The following CCSER1 variants were observed in gnomAD, a reference collection of about 807,000 sequenced individuals.
The protein encoded by CCSER1 is serine-rich coiled-coil domain-containing protein 1.
Under a neutral mutation model 82.0 loss-of-function variants are expected in CCSER1, and 41 were observed. That is an observed-to-expected ratio of 0.50 (90% CI 0.39 to 0.65). The LOEUF is 0.65. CCSER1 is among the 30% of genes least tolerant of loss of function. The probability of loss-of-function intolerance (pLI) is 0.00; values close to 1 mark genes in which losing one functional copy is unlikely to be tolerated. For missense variants in CCSER1, 1,119 were observed against 1,064.2 expected, an observed-to-expected ratio of 1.05 and a Z score of -0.72; for synonymous variants, 414 against 383.9, an observed-to-expected ratio of 1.08 and a Z score of -0.92.
At chr4:91,315,762 G>A (rs1745788406) in intron 10 of CCSER1, among the ~76,000 whole-genome samples, 1 of 151,958 alleles carries the variant, frequency 6.6e-6, no homozygotes, top group Admixed American at 6.6e-5. Context: ...CTACAGCATA[G>A]CAGTTAAGAC....
chr4:90,128,505 G>A (rs1253864897), intron 1 of CCSER1, among the ~76,000 whole-genome samples: 4 of 151,544 alleles, frequency 2.6e-5, no homozygotes, highest in African/African-American at 9.7e-5. Context: ...GTGTGTGTGT[G>A]TGTGTGTGTG....
chr4:91,583,086 TCTCA>T (rs561532519), intron 10 of CCSER1, among the ~76,000 whole-genome samples: 97 of 151,486 alleles, frequency 6.4e-4, no homozygotes, highest in African/African-American at 2.0e-3. Context: ...CTGATAAATT[TCTCA>T]CTTTTATTGA....
intron 10 of CCSER1, among the ~76,000 whole-genome samples, chr4:91,103,347 G>T (rs559360360): frequency 1.3e-5 from 2 of 152,190 alleles, no homozygotes; most frequent in South Asian, 4.1e-4. Flanking sequence ...GGGCCCCTCA[G>T]TTCCTTCCCA....
At chr4:91,544,598 G>A (rs1761783451) in intron 10 of CCSER1, among the ~76,000 whole-genome samples, 1 of 152,164 alleles carries the variant, frequency 6.6e-6, no homozygotes, top group South Asian at 2.1e-4. Context: ...GTTTGCCTGG[G>A]CATCACCAGT....
intron 5 of CCSER1, among the ~76,000 whole-genome samples, chr4:90,550,450 T>G (rs1200910962): frequency 2.6e-5 from 4 of 152,218 alleles, no homozygotes; most frequent in African/African-American, 9.6e-5. Flanking sequence ...TAGCCAAATA[T>G]TTCAAGACAA....
chr4:90,356,438 T>A (rs1291487203), intron 3 of CCSER1, among the ~76,000 whole-genome samples: 3 of 151,664 alleles, frequency 2.0e-5, no homozygotes, highest in African/African-American at 7.2e-5. Flanking sequence ...ATGTAAAAAA[T>A]TAAACTCTAT....
At chr4:90,478,786 G>A (rs1047050404) in intron 5 of CCSER1, among the ~76,000 whole-genome samples, 2 of 148,518 alleles carry the variant, frequency 1.3e-5, no homozygotes, top group Non-Finnish European at 3.0e-5. Context: ...TGTTGCCCAG[G>A]CTGGAGTTCA....
At chr4:91,192,851 C>T (rs771015008) in intron 10 of CCSER1, among the ~76,000 whole-genome samples, 4 of 151,984 alleles carry the variant, frequency 2.6e-5, no homozygotes, top group Non-Finnish European at 5.9e-5. Flanking sequence ...AGTGTCTCTG[C>T]TATATTGGTA....
At chr4:90,417,826 A>T (rs1452577565) in intron 4 of CCSER1, among the ~76,000 whole-genome samples, 1 of 152,124 alleles carries the variant, frequency 6.6e-6, no homozygotes, top group Non-Finnish European at 1.5e-5. Flanking sequence ...CAGAGATGAA[A>T]CCCTAGTGGT....
At chr4:90,883,406 A>G (rs1721635564) in intron 8 of CCSER1, among the ~76,000 whole-genome samples, 1 of 152,068 alleles carries the variant, frequency 6.6e-6, no homozygotes, top group Admixed American at 6.5e-5. Context: ...ATTTATATTG[A>G]CACTACAGTG....
At chr4:91,586,738 TTA>T (rs1024830760) in intron 10 of CCSER1, among the ~76,000 whole-genome samples, 4 of 151,706 alleles carry the variant, frequency 2.6e-5, no homozygotes, top group Non-Finnish European at 5.9e-5. Context: ...TGCTTAGAAA[TTA>T]TGTTGTACCA....
intron 5 of CCSER1, among the ~76,000 whole-genome samples, chr4:90,485,192 T>G (rs1002829685): frequency 3.9e-5 from 6 of 152,190 alleles, no homozygotes; most frequent in African/African-American, 1.4e-4. Context: ...GGATATAATC[T>G]CCTGGTGTGC....
chr4:90,403,677 A>G (rs929723041), intron 4 of CCSER1, among the ~76,000 whole-genome samples: 1 of 152,176 alleles, frequency 6.6e-6, no homozygotes, highest in Admixed American at 6.5e-5. Context: ...TCCACTGCTT[A>G]TATTACTGAA....
chr4:91,092,944 A>G (rs1332327668), intron 10 of CCSER1, among the ~76,000 whole-genome samples: 1 of 152,150 alleles, frequency 6.6e-6, no homozygotes. Flanking sequence ...TGGGGTTTCC[A>G]TACTGCCTCT....
intron 1 of CCSER1, among the ~76,000 whole-genome samples, chr4:90,205,591 C>A (rs141566024): frequency 0.016 from 2,413 of 152,200 alleles, 35 homozygotes; most frequent in African/African-American, 0.041. Context: ...CTGCTGGATT[C>A]AGTTTGCCAA....
chr4:90,960,999 G>A (rs879525259), intron 9 of CCSER1, among the ~76,000 whole-genome samples: 6 of 152,108 alleles, frequency 3.9e-5, no homozygotes, highest in Admixed American at 3.9e-4. Context: ...TATGCAACCT[G>A]TCTCCCTAAT....
intron 3 of CCSER1, among the ~76,000 whole-genome samples, chr4:90,386,116 CA>C (rs1409358348): frequency 6.6e-6 from 1 of 152,096 alleles, no homozygotes; most frequent in Non-Finnish European, 1.5e-5. Context: ...CAATTTCTAT[CA>C]AAATACCACC....
chr4:91,253,987 C>G (rs1386484378), intron 10 of CCSER1, among the ~76,000 whole-genome samples: 1 of 152,176 alleles, frequency 6.6e-6, no homozygotes, highest in Non-Finnish European at 1.5e-5. Context: ...TCACCTCCCA[C>G]CAGGCCCCAC....
At chr4:90,898,269 CTTTTTTTTTTTTT>C (rs70963094) in intron 8 of CCSER1, among the ~76,000 whole-genome samples, 61 of 52,540 alleles carry the variant, frequency 1.2e-3, no homozygotes, top group African/African-American at 4.2e-3. Context: ...TTTAATCCAT[CTTTTTTTTTTTTT>C]TTTTTTTTTT....
Sources: allele counts gnomAD v4.1 joint callset (sites outside exome capture counted in the v4.1 genomes callset), GRCh38; gene constraint gnomAD v4.1.1; transcripts MANE v1.5; gene names NCBI Gene and HGNC (gene_info 2026-07-23, HGNC 2026-07-21).